Variants in SUSD4 observed in about 807,000 individuals in gnomAD.
SUSD4 encodes sushi domain containing 4, also known as sushi domain-containing protein 4.
In SUSD4, 41 loss-of-function variants were observed where a neutral mutation model predicts 50.5. The observed-to-expected ratio is 0.81, with a 90% CI of 0.63 to 1.05. The LOEUF is 1.05. Among genes scored for constraint, SUSD4 ranks in the 50% least tolerant of loss-of-function variants. The pLI, the probability that SUSD4 is intolerant of heterozygous loss-of-function variation, is 0.00. For synonymous variants in SUSD4, 257 were observed against 257.3 expected (o/e 1.00, Z 0.01); for missense variants, 580 against 634.7 (o/e 0.91, Z 0.93).
At chr1:223,237,052 A>G (rs1660269094) in intron 5 of SUSD4, among the ~76,000 whole-genome samples, 1 of 152,050 alleles carries the variant, frequency 6.6e-6, no homozygotes, top group Non-Finnish European at 1.5e-5. Flanking sequence ...TTCCTCATAT[A>G]GATCTTGTAC....
intron 2 of SUSD4, among the ~76,000 whole-genome samples, chr1:223,296,944 G>A (rs139799074): frequency 1.4e-4 from 21 of 152,254 alleles, no homozygotes; most frequent in African/African-American, 4.6e-4. Flanking sequence ...ACCAAGCCTC[G>A]GGTATGTCCT....
chr1:223,354,034 G>GA (rs112464132), intron 2 of SUSD4, among the ~76,000 whole-genome samples: 221 of 135,974 alleles, frequency 1.6e-3, no homozygotes, highest in Non-Finnish European at 1.7e-3. Flanking sequence ...GTTGTCTCAA[G>GA]AAAAAAAAAA....
chr1:223,240,540 G>A (rs1660509239), intron 5 of SUSD4, among the ~76,000 whole-genome samples: 1 of 151,956 alleles, frequency 6.6e-6, no homozygotes, highest in African/African-American at 2.4e-5. Flanking sequence ...ATTTCCTCAA[G>A]CTCAGAGATT....
intron 5 of SUSD4, among the ~76,000 whole-genome samples, chr1:223,257,530 A>G (rs1203636614): frequency 6.6e-6 from 1 of 152,174 alleles, no homozygotes; most frequent in East Asian, 1.9e-4. Flanking sequence ...CTTCCCATTC[A>G]TCTCTACAAG....
At chr1:223,243,490 T>G (rs1360433492) in intron 5 of SUSD4, among the ~76,000 whole-genome samples, 1 of 152,220 alleles carries the variant, frequency 6.6e-6, no homozygotes, top group Non-Finnish European at 1.5e-5. Context: ...TTTTGGTGAA[T>G]GCTGTTCACA....
At chr1:223,312,121 C>A (rs1379059308) in intron 2 of SUSD4, among the ~76,000 whole-genome samples, 4 of 152,206 alleles carry the variant, frequency 2.6e-5, no homozygotes, top group Admixed American at 1.3e-4. Context: ...TTACACCAGC[C>A]AATCTGAAAA....
intron 3 of SUSD4, among the ~76,000 whole-genome samples, chr1:223,285,286 G>T (rs2103127978): frequency 6.6e-6 from 1 of 152,264 alleles, no homozygotes; most frequent in African/African-American, 2.4e-5. Context: ...GAACACCAAG[G>T]GAGGCTTTGC....
At chr1:223,315,451 A>G (rs968033493) in intron 2 of SUSD4, among the ~76,000 whole-genome samples, 1 of 152,156 alleles carries the variant, frequency 6.6e-6, no homozygotes, top group African/African-American at 2.4e-5. Flanking sequence ...CTGACTACCA[A>G]TGGCTCCAAC....
At chr1:223,276,305 G>C (rs894220005) in intron 3 of SUSD4, among the ~76,000 whole-genome samples, 1 of 152,212 alleles carries the variant, frequency 6.6e-6, no homozygotes, top group Non-Finnish European at 1.5e-5. Context: ...CCATTTGCCT[G>C]ACAATTCTGG....
intron 3 of SUSD4, among the ~76,000 whole-genome samples, chr1:223,270,348 AAGG>A (rs1017301291): frequency 6.6e-6 from 1 of 152,114 alleles, no homozygotes; most frequent in African/African-American, 2.4e-5. Flanking sequence ...AGAGTGCCGA[AAGG>A]AGTTCTGTGA....
intron 2 of SUSD4, among the ~76,000 whole-genome samples, chr1:223,341,166 G>A (rs866632926): frequency 6.6e-6 from 1 of 152,112 alleles, no homozygotes; most frequent in African/African-American, 2.4e-5. Context: ...AACTGTGATG[G>A]TGCTGGGCCT....
In SUSD4 at chr1:223,223,286, C is replaced by A. The variant is rs1188930025; in HGVS notation, c.1407G>T (p.Glu469Asp). ...NPDIIASTAE[E>D]VASTSPGIDI... The stretch of plus-strand genomic sequence containing the variant: ...CGATGCCTGGGCTGGTGGATGCCAC[C>A]TCCTCTGCCGTGCTGGCAATTATGT... The change falls in exon 8 of 9, where the codon GAG becomes GAT. Residue 469 changes from glutamate (E) to aspartate (D), a missense_variant. Physicochemically the swap from Glu to Asp is conservative, Grantham distance 45. Coordinates refer to ENST00000366878, the MANE Select transcript of SUSD4 (RefSeq NM_017982.4). The A allele has an allele frequency of 6.4e-7, 1 of 1,567,826 alleles. No homozygotes were observed. The highest frequency in any genetic ancestry group is 8.6e-7 in the Non-Finnish European group (1 of 1,159,748).
intron 2 of SUSD4, among the ~76,000 whole-genome samples, chr1:223,346,193 C>G (rs1322154840): frequency 6.6e-6 from 1 of 152,190 alleles, no homozygotes; most frequent in Non-Finnish European, 1.5e-5. Flanking sequence ...TGTCTTCAGA[C>G]ATTGCCAAAT....
At chr1:223,357,266 T>C (rs932248313) in intron 2 of SUSD4, among the ~76,000 whole-genome samples, 6 of 152,356 alleles carry the variant, frequency 3.9e-5, no homozygotes, top group African/African-American at 1.4e-4. Context: ...TTTGTTTATA[T>C]GTTTTCTGCT....
At chr1:223,326,227 G>C (rs1340507236) in intron 2 of SUSD4, among the ~76,000 whole-genome samples, 1 of 152,028 alleles carries the variant, frequency 6.6e-6, no homozygotes, top group African/African-American at 2.4e-5. Context: ...CTTCAACAAG[G>C]CATACAAAAA....
intron 1 of SUSD4, 184 bp from the exon 2 acceptor site, chr1:223,363,644 T>A: frequency 3.2e-6 from 2 of 618,998 alleles, no homozygotes; most frequent in Non-Finnish European, 5.2e-6. Flanking sequence ...CCGGGTGCAC[T>A]GAGTAACAGC....
At chr1:223,242,090 C>T (rs1660622782) in intron 5 of SUSD4, among the ~76,000 whole-genome samples, 1 of 152,098 alleles carries the variant, frequency 6.6e-6, no homozygotes, top group Non-Finnish European at 1.5e-5. Flanking sequence ...TACAAGCACA[C>T]ATCATTATGC....
rs1053808894 is a variant in SUSD4 at position 223,319,493 on chromosome 1, G to A, written c.149-26842C>T. Among the ~76,000 whole-genome samples the A allele has an allele frequency of 2.6e-5, 4 of 152,142 alleles. No individual in the cohort carries two copies. In the South Asian group the frequency reaches 6.2e-4, roughly 24 times the overall value. ...GCCCTTCTTAATACAAGATGAACGA[G>A]TCCAGCAGGCTCTGTCCCTCTCAGC... On this transcript the variant is annotated intron_variant, in intron 2 of 8. Transcript: ENST00000366878.
chr1:223,317,509 T>C (rs985351243), intron 2 of SUSD4, among the ~76,000 whole-genome samples: 5 of 152,072 alleles, frequency 3.3e-5, no homozygotes, highest in Non-Finnish European at 5.9e-5. Context: ...TCTTTTGGGG[T>C]CCGGATTGGG....
Sources: gnomAD v4.1 joint callset for allele counts (sites outside exome capture counted in the v4.1 genomes callset) on GRCh38, gnomAD v4.1.1 for gene constraint, MANE v1.5 for transcripts, NCBI Gene and HGNC (gene_info 2026-07-23, HGNC 2026-07-21) for gene names.